ATP6V0E1: variants seen among roughly 807,000 people sequenced by gnomAD.
ATP6V0E1 encodes ATPase H+ transporting V0 subunit e1, also known as V-type proton ATPase subunit e 1.
In ATP6V0E1, 4 loss-of-function variants were observed where a neutral mutation model predicts 11.6. The observed-to-expected ratio is 0.35, with a 90% confidence interval of 0.17 to 0.79. ATP6V0E1 has a LOEUF of 0.79. Ranked by LOEUF, ATP6V0E1 falls within the 30% of genes least tolerant of loss-of-function variation. ATP6V0E1 has a pLI of 0.54. For synonymous variants in ATP6V0E1, 36 were observed against 34.8 expected, an observed-to-expected ratio of 1.04 and a Z score of -0.13; for missense variants, 105 against 100.0, an observed-to-expected ratio of 1.05 and a Z score of -0.21.
At chr5:172,986,230 A>G (rs1279006064) in intron 1 of ATP6V0E1, among the ~76,000 whole-genome samples, 1 of 152,210 alleles carries the variant, frequency 6.6e-6, no homozygotes, top group Non-Finnish European at 1.5e-5. Flanking sequence ...AATTTCTGAA[A>G]AAATATTTTT....
chr5:172,988,072 C>G (rs1222287807), intron 1 of ATP6V0E1, among the ~76,000 whole-genome samples: 1 of 152,002 alleles, frequency 6.6e-6, no homozygotes, highest in Non-Finnish European at 1.5e-5. Flanking sequence ...TTTTTTTTAA[C>G]TTTTTAAACT....
intron 2 of ATP6V0E1, 106 bp downstream of exon 2, chr5:172,994,928 T>C: frequency 1.1e-6 from 1 of 874,132 alleles, no homozygotes; most frequent in South Asian, 1.7e-5. Flanking sequence ...AGAAATAGTG[T>C]CCTAAAATTG....
At chr5:173,020,566 C>G in intron 3 of ATP6V0E1, 199 bp downstream of exon 3, 1 of 557,878 alleles carries the variant, frequency 1.8e-6, no homozygotes, top group Non-Finnish European at 3.3e-6. Flanking sequence ...TTAGATTCTG[C>G]TATCACCCTG....
rs769975993 is a variant in ATP6V0E1 at position 173,020,351 on chromosome 5, A to G, written c.*20A>G. ...CCTTGAGGAAGAAGACATGCTCTACAGTGCTCAGTCTTTGAGGTGACTATG... is the reference window on the plus strand; with the variant it reads ...CCTTGAGGAAGAAGACATGCTCTACGGTGCTCAGTCTTTGAGGTGACTATG... On this transcript the variant is annotated 3_prime_UTR_variant, in exon 3 of 4. Coordinates refer to ENST00000519374, the MANE Select transcript of ATP6V0E1 (RefSeq NM_003945.4). 2 of 1,571,330 alleles carry G rather than the reference A, an allele frequency of 1.3e-6. No homozygotes were observed. The highest frequency in any genetic ancestry group is 1.8e-6 in the Non-Finnish European group (2 of 1,141,250).
chr5:173,001,289 C>T (rs1469461205), intron 2 of ATP6V0E1, among the ~76,000 whole-genome samples: 4 of 152,086 alleles, frequency 2.6e-5, no homozygotes, highest in African/African-American at 7.2e-5. Context: ...CAGAGAGGCC[C>T]GATCACTCCC....
intron 1 of ATP6V0E1, among the ~76,000 whole-genome samples, chr5:172,984,182 C>T (rs1001091071): frequency 2.1e-5 from 3 of 140,682 alleles, no homozygotes; most frequent in African/African-American, 9.8e-5. Flanking sequence ...CTTTGGTGGA[C>T]CCCCCTTGGA....
At chr5:172,985,361 T>G (rs1755881220) in intron 1 of ATP6V0E1, among the ~76,000 whole-genome samples, 1 of 152,220 alleles carries the variant, frequency 6.6e-6, no homozygotes, top group African/African-American at 2.4e-5. Flanking sequence ...ATTATTTTTT[T>G]TTAAAAGATA....
At chr5:172,994,643 A>C (rs1756033426) in intron 1 of ATP6V0E1, 132 bp from the exon 2 acceptor site, 1 of 718,778 alleles carries the variant, frequency 1.4e-6, no homozygotes. Flanking sequence ...ATATTTGAGC[A>C]AATACAGATC....
At chr5:173,032,263 TTATTTA>T (rs1561778691) in intron 3 of ATP6V0E1, among the ~76,000 whole-genome samples, 13 of 139,222 alleles carry the variant, frequency 9.3e-5, no homozygotes, top group African/African-American at 3.4e-4. Flanking sequence ...ATTTATTTAT[TTATTTA>T]TTTATTTATT....
At chr5:172,990,850 T>C (rs548870107) in intron 1 of ATP6V0E1, among the ~76,000 whole-genome samples, 1 of 147,710 alleles carries the variant, frequency 6.8e-6, no homozygotes, top group East Asian at 2.0e-4. Context: ...AAAAAAAAAA[T>C]ACAGATGGGA....
chr5:173,013,347 G>A (rs1290488982), intron 2 of ATP6V0E1, among the ~76,000 whole-genome samples: 2 of 151,710 alleles, frequency 1.3e-5, no homozygotes, highest in African/African-American at 2.4e-5. Context: ...AGGCCGAGGC[G>A]GGTGAATCAC....
At chr5:173,023,981 G>T (rs375161763) in intron 3 of ATP6V0E1, among the ~76,000 whole-genome samples, 174 of 152,116 alleles carry the variant, frequency 1.1e-3, no homozygotes, top group Non-Finnish European at 2.0e-3. Context: ...TGGGTCATGA[G>T]GTCAGGAGAT....
intron 1 of ATP6V0E1, among the ~76,000 whole-genome samples, chr5:172,991,167 G>A (rs1755972930): frequency 6.6e-6 from 1 of 152,158 alleles, no homozygotes; most frequent in Non-Finnish European, 1.5e-5. Context: ...AGTAGGAAGA[G>A]TAGTACAATA....
At chr5:173,019,186 C>T (rs1380487842) in intron 2 of ATP6V0E1, among the ~76,000 whole-genome samples, 1 of 152,150 alleles carries the variant, frequency 6.6e-6, no homozygotes, top group Non-Finnish European at 1.5e-5. Flanking sequence ...CAACTCCTGG[C>T]TTCGAGTGAT....
intron 2 of ATP6V0E1, among the ~76,000 whole-genome samples, chr5:173,013,392 G>A (rs1756359349): frequency 6.6e-6 from 1 of 151,946 alleles, no homozygotes; most frequent in African/African-American, 2.4e-5. Flanking sequence ...TGGCTAACAT[G>A]GTGAAACCCC....
At chr5:173,022,549 G>A (rs769022018) in intron 3 of ATP6V0E1, among the ~76,000 whole-genome samples, 3 of 152,006 alleles carry the variant, frequency 2.0e-5, no homozygotes, top group African/African-American at 4.8e-5. Context: ...GCACAATCAC[G>A]GCTAACTGCA....
At position 172,983,859 on chromosome 5, in the gene ATP6V0E1, C is replaced by G; in HGVS notation, c.-2C>G. 1.2e-6 allele frequency: 2 copies of G among 1,613,668 alleles called. No homozygotes were observed. The highest frequency in any genetic ancestry group is 2.2e-5 in the South Asian group (2 of 91,056). On this transcript the variant is annotated 5_prime_UTR_variant, in exon 1 of 4. Transcript: ENST00000519374. ...GTAGGGGTTGGCGCTCAGGCGGCGA[C>G]CATGGCGTATCACGGCCTCACTGTG...
intron 2 of ATP6V0E1, among the ~76,000 whole-genome samples, chr5:173,007,763 C>T (rs531868735): frequency 4.6e-5 from 7 of 152,300 alleles, no homozygotes; most frequent in African/African-American, 1.7e-4. Flanking sequence ...TTGAGCCCAC[C>T]AGATAGCAAA....
chr5:172,991,999 CTTCT>C (rs947770437), intron 1 of ATP6V0E1, among the ~76,000 whole-genome samples: 3 of 112,172 alleles, frequency 2.7e-5, no homozygotes, highest in African/African-American at 4.4e-5. Context: ...TTCCTTCTTT[CTTCT>C]TTCTGTCTGT....
Sources: allele counts gnomAD v4.1 joint callset (sites outside exome capture counted in the v4.1 genomes callset), GRCh38; gene constraint gnomAD v4.1.1; transcripts MANE v1.5; gene names NCBI Gene and HGNC (gene_info 2026-07-23, HGNC 2026-07-21).